Variants in TENM3 observed in about 807,000 individuals in gnomAD.
TENM3 encodes the protein teneurin transmembrane protein 3.
A neutral mutation model predicts 255.1 loss-of-function variants in TENM3; 63 were observed. The ratio of observed to expected loss-of-function variants is 0.25; its 90% CI spans 0.20 to 0.30. TENM3 has a LOEUF of 0.30. Among genes scored for constraint, TENM3 ranks in the 10% least tolerant of loss-of-function variants. The pLI is 1.00. For missense variants in TENM3, 2,929 were observed against 3,461.1 expected (o/e 0.85, Z 3.86); for synonymous variants, 1,306 against 1,322.3 (o/e 0.99, Z 0.27).
the TENM3 span, among the ~76,000 whole-genome samples, chr4:181,485,422 C>T: frequency 1.3e-5 from 2 of 151,726 alleles, no homozygotes; most frequent in Non-Finnish European, 2.9e-5. Flanking sequence ...TTCCTGCTGA[C>T]GCATTATTCA....
At chr4:181,551,691 T>G in the TENM3 span, among the ~76,000 whole-genome samples, 1 of 152,064 alleles carries the variant, frequency 6.6e-6, no homozygotes, top group African/African-American at 2.4e-5. Flanking sequence ...TATACTGTGC[T>G]GGGAAATGGG....
At chr4:182,070,070 C>T in the TENM3 span, among the ~76,000 whole-genome samples, 1 of 152,128 alleles carries the variant, frequency 6.6e-6, no homozygotes, top group East Asian at 1.9e-4. Context: ...TGTGGAGATA[C>T]AGAGGCATGA....
intron 1 of TENM3, among the ~76,000 whole-genome samples, chr4:182,274,320 C>T (rs1759846944): frequency 6.6e-6 from 1 of 152,162 alleles, no homozygotes; most frequent in Non-Finnish European, 1.5e-5. Context: ...GGAGAGGCCT[C>T]CTAATTCACA....
intron 1 of TENM3, among the ~76,000 whole-genome samples, chr4:182,280,090 G>A (rs921807091): frequency 6.6e-6 from 1 of 152,150 alleles, no homozygotes; most frequent in Admixed American, 6.5e-5. Context: ...CCAGGTTCAT[G>A]CAGTGAGAAA....
intron 1 of TENM3, among the ~76,000 whole-genome samples, chr4:182,200,428 T>C (rs1243552986): frequency 6.6e-6 from 1 of 152,246 alleles, no homozygotes; most frequent in Admixed American, 6.5e-5. Context: ...AACATTCTTA[T>C]TGAGCTTTTT....
chr4:182,518,455 C>G (rs1164741447), intron 3 of TENM3, among the ~76,000 whole-genome samples: 1 of 151,782 alleles, frequency 6.6e-6, no homozygotes, highest in African/African-American at 2.4e-5. Flanking sequence ...GTGGGCCAGA[C>G]CTAATTGAAA....
chr4:182,568,257 A>C (rs186151773), intron 3 of TENM3, among the ~76,000 whole-genome samples: 42 of 152,234 alleles, frequency 2.8e-4, no homozygotes, highest in Admixed American at 7.8e-4. Flanking sequence ...TCTGCACTGA[A>C]CCCTCAACAC....
chr4:181,811,762 G>T, the TENM3 span, among the ~76,000 whole-genome samples: 1 of 152,154 alleles, frequency 6.6e-6, no homozygotes, highest in African/African-American at 2.4e-5. Flanking sequence ...AATCACCCAC[G>T]TGATTCAATT....
At chr4:182,486,297 A>G (rs1241254970) in intron 3 of TENM3, among the ~76,000 whole-genome samples, 1 of 84,318 alleles carries the variant, frequency 1.2e-5, no homozygotes, top group Non-Finnish European at 2.2e-5. Flanking sequence ...CATTCTTAAG[A>G]AGTATTTTAA....
rs1206350178 is a variant in TENM3 at position 182,663,397 on chromosome 4, A to G, written c.1111+9504A>G. ...AGTTGTACACATTTGACTGAAAACA[A>G]CCTAATTCTTATATAAATGTGTTAA... On this transcript the variant is annotated intron_variant, in intron 6 of 27. Coordinates refer to ENST00000511685, the MANE Select transcript of TENM3 (RefSeq NM_001080477.4). Among the ~76,000 whole-genome samples the G allele has an allele frequency of 2.0e-5, 3 of 152,346 alleles. No individual in the cohort carries two copies. The East Asian group carries it at 5.8e-4, about 29-fold the overall frequency.
the TENM3 span, among the ~76,000 whole-genome samples, chr4:181,971,715 C>T: frequency 6.6e-6 from 1 of 152,026 alleles, no homozygotes; most frequent in African/African-American, 2.4e-5. Flanking sequence ...CACAGGCATG[C>T]ACCACCATGC....
chr4:182,090,004 CA>C, the TENM3 span, among the ~76,000 whole-genome samples: 1 of 152,110 alleles, frequency 6.6e-6, no homozygotes, highest in Non-Finnish European at 1.5e-5. Context: ...TGGACTACAA[CA>C]AAAAATAAAA....
rs374881053 is a variant in TENM3, at chr4:182,680,672, G to T, written c.1769G>T (p.Arg590Leu). 1 of 1,606,218 alleles carries T rather than the reference G, an allele frequency of 6.2e-7. No homozygotes were observed. The highest frequency in any genetic ancestry group is 8.5e-7 in the Non-Finnish European group (1 of 1,177,142). ...TQCIDPQCGG[R>L]GICIMGSCAC... ...TGTATTGACCCACAGTGTGGGGGTC[G>T]TGGGATTTGTATCATGGGCTCTTGT... is the stretch of plus-strand genomic sequence containing the variant. The change falls in exon 10 of 28, where the codon CGT (arginine) becomes CTT (leucine). Residue 590 changes from arginine (R) to leucine (L), a missense_variant. Arg to Leu is a moderately radical substitution (Grantham distance 102, BLOSUM62 -2). Coordinates refer to ENST00000511685, the MANE Select transcript of TENM3 (RefSeq NM_001080477.4).
At chr4:181,690,335 C>T in the TENM3 span, among the ~76,000 whole-genome samples, 1 of 152,124 alleles carries the variant, frequency 6.6e-6, no homozygotes, top group Non-Finnish European at 1.5e-5. Context: ...TCATTTCAAC[C>T]AGGGCCATCG....
the TENM3 span, among the ~76,000 whole-genome samples, chr4:181,852,385 A>G: frequency 5.3e-5 from 8 of 152,148 alleles, no homozygotes; most frequent in Non-Finnish European, 1.5e-5. Context: ...TCCTTCCTCC[A>G]CCACTCACTG....
chr4:182,495,973 G>A (rs6838995), intron 3 of TENM3, among the ~76,000 whole-genome samples: 92,198 of 151,948 alleles, frequency 0.61, 28,545 homozygotes, highest in African/African-American at 0.74. Flanking sequence ...GACTGACCTT[G>A]GAAGCTAAGC....
chr4:181,934,627 G>A, the TENM3 span, among the ~76,000 whole-genome samples: 1 of 152,046 alleles, frequency 6.6e-6, no homozygotes, highest in African/African-American at 2.4e-5. Context: ...AGGATTTTTA[G>A]CATAACTTCA....
chr4:182,461,954 T>A (rs1482400657), intron 3 of TENM3, among the ~76,000 whole-genome samples: 1 of 152,192 alleles, frequency 6.6e-6, no homozygotes, highest in Non-Finnish European at 1.5e-5. Flanking sequence ...ACTATTAGCG[T>A]GGCTTTTTCT....
At chr4:182,295,869 A>T (rs1420947561) in intron 1 of TENM3, among the ~76,000 whole-genome samples, 1 of 152,254 alleles carries the variant, frequency 6.6e-6, no homozygotes, top group East Asian at 1.9e-4. Context: ...AGGACCTAAA[A>T]GTTAAACAAG....
Sources: allele counts gnomAD v4.1 joint callset (sites outside exome capture counted in the v4.1 genomes callset), GRCh38; gene constraint gnomAD v4.1.1; transcripts MANE v1.5; gene names NCBI Gene and HGNC (gene_info 2026-07-23, HGNC 2026-07-21).